The following BAG1 variants were observed in gnomAD, a reference collection of about 807,000 sequenced individuals.
The protein encoded by BAG1 is BAG family molecular chaperone regulator 1.
In BAG1, 35 loss-of-function variants were observed where a neutral mutation model predicts 35.5. The ratio of observed to expected loss-of-function variants is 0.99; its 90% CI spans 0.75 to 1.31. The LOEUF is 1.31. Ranked by LOEUF, BAG1 falls within the 50% of genes most tolerant of loss-of-function variation. The pLI is 0.00. For missense variants in BAG1, 464 were observed against 453.6 expected, an observed-to-expected ratio of 1.02 and a Z score of -0.21; for synonymous variants, 191 against 178.9, an observed-to-expected ratio of 1.07 and a Z score of -0.54.
At chr9:33,260,571 TCA>T (rs1212500101) in intron 3 of BAG1, 1 of 152,346 alleles carries the variant, frequency 6.6e-6, no homozygotes, top group Admixed American at 6.5e-5. Context: ...CCCTCTCTCA[TCA>T]CCTTAAGGGT....
intron 2 of BAG1, chr9:33,261,935 G>A (rs1376784951): frequency 1.0e-6 from 1 of 985,250 alleles, no homozygotes; most frequent in Non-Finnish European, 1.2e-6. Context: ...CAGAACAATG[G>A]GAGGCACTGG....
At chr9:33,261,738 T>A (rs1356756971) in intron 2 of BAG1, among the ~76,000 whole-genome samples, 1 of 152,232 alleles carries the variant, frequency 6.6e-6, no homozygotes, top group Non-Finnish European at 1.5e-5. Flanking sequence ...AAATTCTTTA[T>A]AATGACTGAC....
At position 33,262,717 on chromosome 9, in the gene BAG1, T is replaced by C. The variant is rs776141722; in HGVS notation, c.565A>G (p.Lys189Glu). ...AAATGCTTACCCTTAAATATGAGTT[T>C]CTGAAAAGACTGTGGAACCCCTATG... Residue 189 changes from lysine to glutamate, a missense_variant, in exon 2 of 7, where the codon AAA becomes GAA. Transcript: ENST00000634734. 3.1e-6 allele frequency: 5 copies of C among 1,597,384 alleles called. No individual in the cohort carries two copies. The Middle Eastern group carries it at 8.4e-4, about 267-fold the overall frequency.
intron 1 of BAG1, among the ~76,000 whole-genome samples, chr9:33,263,159 C>A (rs1820614329): frequency 1.3e-5 from 2 of 152,246 alleles, no homozygotes; most frequent in African/African-American, 4.8e-5. Context: ...TGACTTCAGG[C>A]AAGTTAAGGA....
intron 3 of BAG1, among the ~76,000 whole-genome samples, chr9:33,260,640 C>A (rs1395397336): frequency 6.6e-6 from 1 of 152,196 alleles, no homozygotes; most frequent in East Asian, 1.9e-4. Context: ...CCTTCCTTTC[C>A]AGTCGAAGGT....
chr9:33,263,489 T>TAC (rs1213973581), intron 1 of BAG1, among the ~76,000 whole-genome samples: 4 of 152,208 alleles, frequency 2.6e-5, no homozygotes, highest in African/African-American at 9.7e-5. Flanking sequence ...GGAGCCTGTG[T>TAC]ACAGTACATT....
At chr9:33,262,353 C>G (rs527760863) in intron 2 of BAG1, 1 of 1,186,312 alleles carries the variant, frequency 8.4e-7, no homozygotes, top group Admixed American at 3.3e-5. Context: ...AAGGAAAAGC[C>G]GGAAAAGAAA....
chr9:33,264,114 C>T (rs1820645877), intron 1 of BAG1, 110 bp downstream of exon 1: 8 of 1,311,998 alleles, frequency 6.1e-6, no homozygotes, highest in African/African-American at 3.0e-5. Context: ...CGCTTCCGGA[C>T]GCCAGGACAA....
intron 3 of BAG1, 47 bp from the exon 4 acceptor site, chr9:33,259,080 G>A (rs1422811236): frequency 2.0e-6 from 3 of 1,523,556 alleles, no homozygotes; most frequent in Non-Finnish European, 9.1e-7. Flanking sequence ...AAAAGAACAG[G>A]CTGGGCATGG....
At chr9:33,262,428 G>A (rs1820591265) in intron 2 of BAG1, among the ~76,000 whole-genome samples, 1 of 152,074 alleles carries the variant, frequency 6.6e-6, no homozygotes, top group Non-Finnish European at 1.5e-5. Flanking sequence ...AGGCCGAGGC[G>A]GGTGGATCAC....
intron 5 of BAG1, 63 bp downstream of exon 5, chr9:33,256,738 G>T: frequency 7.4e-7 from 1 of 1,344,822 alleles, no homozygotes; most frequent in Non-Finnish European, 1.1e-6. Context: ...ATTACTGAAA[G>T]AGTGAATGTG....
In BAG1 at chr9:33,255,327, G is replaced by T; in HGVS notation, c.949-19C>A. 1 of 1,614,084 alleles carries T rather than the reference G, an allele frequency of 6.2e-7. No homozygotes were observed. The highest frequency in any genetic ancestry group is 8.5e-7 in the Non-Finnish European group (1 of 1,180,036). Reference sequence around the variant, plus strand: ...GGAATGCCTAGAAAATACACACGGGGCAGTAAGGGCCCATCCAGGGGTAGC... The same window carrying T: ...GGAATGCCTAGAAAATACACACGGGTCAGTAAGGGCCCATCCAGGGGTAGC... On this transcript the variant is annotated intron_variant, in intron 6 of 6. Coordinates refer to ENST00000634734, the MANE Select transcript of BAG1 (RefSeq NM_004323.6).
chr9:33,262,962 C>T (rs1368705069), intron 1 of BAG1, 132 bp from the exon 2 acceptor site: 3 of 1,248,046 alleles, frequency 2.4e-6, no homozygotes, highest in Non-Finnish European at 3.2e-6. Flanking sequence ...AGAGCCTGCC[C>T]CCATGCCACC....
At chr9:33,261,275 G>A (rs976216784) in intron 2 of BAG1, 106 bp from the exon 3 acceptor site, 10 of 753,562 alleles carry the variant, frequency 1.3e-5, no homozygotes, top group Non-Finnish European at 2.1e-5. Context: ...AATGAGAACT[G>A]GTATCTTTTT....
chr9:33,254,960 T>G lies in BAG1; in HGVS notation c.*259A>C. The G allele has an allele frequency of 1.5e-6, 2 of 1,370,044 alleles. No individual in the cohort carries two copies. Among genetic ancestry groups the G allele is most frequent in the Non-Finnish European group, 1.9e-6 (2 of 1,031,570 alleles). The allele number at this position is 1,370,044 out of a possible 1,614,324, so 84.9% of individuals were successfully genotyped here. On this transcript the variant is annotated 3_prime_UTR_variant, in exon 7 of 7. Coordinates refer to ENST00000634734, the MANE Select transcript of BAG1 (RefSeq NM_004323.6). ...CAGAGGTCCAAACAGCTGGGAAAAT[T>G]TGGGCAGAGGTGGCCCTCTCCAGAA...
Position 33,255,052 on chromosome 9 carries a change from A to T in BAG1, c.*167T>A. On this transcript the variant is annotated 3_prime_UTR_variant, in exon 7 of 7. Transcript: ENST00000634734. ...GAAAACAGATAGGAGCTTTACTCAA[A>T]ATCACAAAGACACTATTTTTCATTG... 1 of 1,552,968 alleles carries T rather than the reference A, an allele frequency of 6.4e-7. No individual in the cohort carries two copies. Among genetic ancestry groups the T allele is most frequent in the East Asian group, 2.4e-5 (1 of 41,424 alleles).
rs1477956387 is a variant in BAG1 at position 33,262,600 on chromosome 9, T to C, written c.580+102A>G. ...TGAATCCGGGAGGCGGAGGTTGCAG[T>C]GAGCCTAGATCGTGCCATTGCACTC... On this transcript the variant is annotated intron_variant, in intron 2 of 6. Transcript: ENST00000634734. 4 of 1,231,520 alleles carry C rather than the reference T, an allele frequency of 3.2e-6. No individual in the cohort carries two copies. The East Asian group carries it at 8.0e-5, about 25-fold the overall frequency. The allele number at this position is 1,231,520 out of a possible 1,614,324, so 76.3% of individuals were successfully genotyped here.
chr9:33,263,703 T>G (rs903670652), intron 1 of BAG1, among the ~76,000 whole-genome samples: 1 of 152,132 alleles, frequency 6.6e-6, no homozygotes, highest in Non-Finnish European at 1.5e-5. Flanking sequence ...CCTCATGGAC[T>G]CAGCTCTCCG....
chr9:33,259,083 G>A (rs906638012), intron 3 of BAG1, 50 bp from the exon 4 acceptor site: 1 of 1,484,064 alleles, frequency 6.7e-7, no homozygotes, highest in Non-Finnish European at 9.3e-7. Context: ...AGAACAGGCT[G>A]GGCATGGTGG....
Sources: gnomAD v4.1 joint callset for allele counts (sites outside exome capture counted in the v4.1 genomes callset) on GRCh38, gnomAD v4.1.1 for gene constraint, MANE v1.5 for transcripts, NCBI Gene and HGNC (gene_info 2026-07-23, HGNC 2026-07-21) for gene names.